NLGN1: variants seen among roughly 807,000 people sequenced by gnomAD.
The protein encoded by NLGN1 is neuroligin 1.
A neutral mutation model predicts 65.5 loss-of-function variants in NLGN1; 12 were observed. The ratio of observed to expected loss-of-function variants is 0.18; its 90% CI spans 0.12 to 0.30. The LOEUF is 0.30. Among genes scored for constraint, NLGN1 ranks in the 10% least tolerant of loss-of-function variants. The probability of loss-of-function intolerance (pLI) is 1.00; values close to 1 mark genes in which losing one functional copy is unlikely to be tolerated. For synonymous variants in NLGN1, 350 were observed against 359.5 expected (o/e 0.97, Z 0.30); for missense variants, 750 against 1,007.1 (o/e 0.74, Z 3.46).
chr3:173,855,361 A>G (rs1157410136), intron 4 of NLGN1, among the ~76,000 whole-genome samples: 1 of 152,116 alleles, frequency 6.6e-6, no homozygotes, highest in African/African-American at 2.4e-5. Flanking sequence ...AACTTTTAGA[A>G]ATTACCAACT....
intron 4 of NLGN1, among the ~76,000 whole-genome samples, chr3:173,918,060 A>T (rs972408583): frequency 1.1e-4 from 16 of 152,176 alleles, no homozygotes; most frequent in Non-Finnish European, 2.1e-4. Context: ...AAGATAATGT[A>T]TGTAAGATGG....
At chr3:174,078,101 C>CA (rs1741388241) in intron 4 of NLGN1, among the ~76,000 whole-genome samples, 1 of 151,868 alleles carries the variant, frequency 6.6e-6, no homozygotes, top group Non-Finnish European at 1.5e-5. Context: ...TAGAATATTT[C>CA]AAAAACCATA....
At chr3:173,862,278 G>A (rs906054529) in intron 4 of NLGN1, among the ~76,000 whole-genome samples, 4 of 151,066 alleles carry the variant, frequency 2.6e-5, no homozygotes, top group East Asian at 2.0e-4. Flanking sequence ...AGGCCGAGGC[G>A]GGCGGATCAC....
At chr3:173,810,298 ATGT>A (rs1299472546) in intron 4 of NLGN1, among the ~76,000 whole-genome samples, 2 of 152,206 alleles carry the variant, frequency 1.3e-5, no homozygotes, top group South Asian at 2.1e-4. Flanking sequence ...TTTGAGATTG[ATGT>A]TGTGAATAGT....
intron 2 of NLGN1, among the ~76,000 whole-genome samples, chr3:173,568,479 C>T (rs1183012059): frequency 6.6e-6 from 1 of 152,118 alleles, no homozygotes; most frequent in African/African-American, 2.4e-5. Flanking sequence ...AAGTGAACCA[C>T]CCGCCTCGGC....
At chr3:173,992,114 T>C (rs1721243296) in intron 4 of NLGN1, among the ~76,000 whole-genome samples, 1 of 152,024 alleles carries the variant, frequency 6.6e-6, no homozygotes, top group Non-Finnish European at 1.5e-5. Flanking sequence ...TACGTGAAGA[T>C]CTCTAGAATA....
At chr3:174,056,950 C>T (rs1736267434) in intron 4 of NLGN1, among the ~76,000 whole-genome samples, 1 of 151,362 alleles carries the variant, frequency 6.6e-6, no homozygotes, top group South Asian at 2.1e-4. Context: ...TATGATTAAT[C>T]ACTTGCTGAT....
chr3:173,868,137 T>C (rs192257697), intron 4 of NLGN1, among the ~76,000 whole-genome samples: 3 of 152,204 alleles, frequency 2.0e-5, no homozygotes, highest in East Asian at 1.9e-4. Flanking sequence ...AGGGTAACTG[T>C]TGGGGAGTTC....
intron 2 of NLGN1, among the ~76,000 whole-genome samples, chr3:173,515,064 T>C (rs1181023666): frequency 6.6e-6 from 1 of 152,202 alleles, no homozygotes; most frequent in African/African-American, 2.4e-5. Context: ...TTTTTATTTT[T>C]TGAGGAACCT....
At chr3:173,788,866 C>G (rs1212672340) in intron 3 of NLGN1, among the ~76,000 whole-genome samples, 1 of 139,956 alleles carries the variant, frequency 7.1e-6, no homozygotes, top group Non-Finnish European at 1.5e-5. Flanking sequence ...AAAAAAAGAC[C>G]TGATTCCAGA....
chr3:174,244,158 G>A (rs539425448), intron 4 of NLGN1, among the ~76,000 whole-genome samples: 4 of 152,128 alleles, frequency 2.6e-5, no homozygotes, highest in Admixed American at 6.5e-5. Flanking sequence ...GGCTAAAGAA[G>A]GGAAAAGAAG....
At chr3:173,945,771 G>A (rs140546431) in intron 4 of NLGN1, among the ~76,000 whole-genome samples, 42 of 152,244 alleles carry the variant, frequency 2.8e-4, no homozygotes, top group African/African-American at 9.9e-4. Context: ...TACCTACCTG[G>A]TTGCACAAGG....
exon 7 of NLGN1, chr3:174,283,452 T>C (rs1390410940): frequency 6.6e-6 from 1 of 151,424 alleles, no homozygotes; most frequent in East Asian, 1.9e-4. Flanking sequence ...CCAATTCTAG[T>C]CATCAAGGAA....
At chr3:173,682,139 T>C (rs1435085458) in intron 3 of NLGN1, among the ~76,000 whole-genome samples, 1 of 152,158 alleles carries the variant, frequency 6.6e-6, no homozygotes, top group East Asian at 1.9e-4. Context: ...AGAATAATAG[T>C]AGTGCCCACA....
At chr3:173,823,690 G>T (rs962045734) in intron 4 of NLGN1, among the ~76,000 whole-genome samples, 2 of 151,960 alleles carry the variant, frequency 1.3e-5, no homozygotes, top group African/African-American at 4.8e-5. Flanking sequence ...AGTCACATGT[G>T]GCTATTGGTT....
intron 3 of NLGN1, among the ~76,000 whole-genome samples, chr3:173,734,381 A>ATTTTTTTTTTTTTTTTTTTTTTTT (rs71162356): frequency 5.0e-5 from 2 of 40,080 alleles, no homozygotes; most frequent in African/African-American, 1.1e-4. Context: ...GGATAATTCT[A>ATTTTTTTTTTTTTTTTTTTTTTTT]TTTTTTTTTT....
At chr3:173,718,107 G>A (rs1221572875) in intron 3 of NLGN1, among the ~76,000 whole-genome samples, 1 of 151,956 alleles carries the variant, frequency 6.6e-6, no homozygotes, top group Non-Finnish European at 1.5e-5. Context: ...AGGGTATTTC[G>A]TATATCCATC....
intron 4 of NLGN1, among the ~76,000 whole-genome samples, chr3:173,994,287 G>T (rs993129721): frequency 6.6e-6 from 1 of 151,468 alleles, no homozygotes; most frequent in Non-Finnish European, 1.5e-5. Context: ...TTGTATTTTG[G>T]GGGGTTTTGC....
At chr3:173,403,399 A>C (rs1447082133) in intron 1 of NLGN1, among the ~76,000 whole-genome samples, 1 of 152,156 alleles carries the variant, frequency 6.6e-6, no homozygotes, top group African/African-American at 2.4e-5. Context: ...TGATTTCACC[A>C]TCATAATTCA....
Sources: allele counts gnomAD v4.1 joint callset (sites outside exome capture counted in the v4.1 genomes callset), GRCh38; gene constraint gnomAD v4.1.1; transcripts MANE v1.5; gene names NCBI Gene and HGNC (gene_info 2026-07-23, HGNC 2026-07-21).